Variants in RARB observed in about 807,000 individuals in gnomAD.
RARB encodes the protein retinoic acid receptor beta.
RARB carries 17 observed loss-of-function variants against 51.9 expected under a neutral mutation model. The ratio of observed to expected loss-of-function variants is 0.33; its 90% CI spans 0.22 to 0.49. The LOEUF (loss-of-function observed/expected upper bound fraction) is 0.49, where lower values mean the gene tolerates loss of function less well. RARB is among the 20% of genes least tolerant of loss of function. RARB has a pLI of 0.99. For missense variants in RARB, 369 were observed against 550.8 expected (o/e 0.67, Z 3.30); for synonymous variants, 215 against 195.4 (o/e 1.10, Z -0.84).
At chr3:24,992,143 T>C (rs1360844541) in intron 2 of RARB, among the ~76,000 whole-genome samples, 4 of 152,184 alleles carry the variant, frequency 2.6e-5, no homozygotes, top group Admixed American at 2.6e-4. Flanking sequence ...ATGCCTACTT[T>C]GCTCTGTCAC....
chr3:25,226,891 T>A (rs937036357), intron 5 of RARB, among the ~76,000 whole-genome samples: 3 of 152,220 alleles, frequency 2.0e-5, no homozygotes, highest in Admixed American at 6.5e-5. Flanking sequence ...CTCTGTGGTT[T>A]CTCTCACAAT....
intron 3 of RARB, among the ~76,000 whole-genome samples, chr3:25,088,586 A>C (rs897575654): frequency 6.6e-6 from 1 of 152,140 alleles, no homozygotes; most frequent in Non-Finnish European, 1.5e-5. Context: ...GAGGCCATTA[A>C]TCATGGTGAG....
intron 4 of RARB, among the ~76,000 whole-genome samples, chr3:25,166,054 C>G (rs1418161689): frequency 1.3e-5 from 2 of 151,794 alleles, no homozygotes; most frequent in Non-Finnish European, 2.9e-5. Flanking sequence ...TAGATTTCAT[C>G]CTCCCTCACT....
intron 3 of RARB, among the ~76,000 whole-genome samples, chr3:25,525,358 T>C (rs1290300119): frequency 6.6e-6 from 1 of 151,916 alleles, no homozygotes; most frequent in Non-Finnish European, 1.5e-5. Context: ...AGAGTGGAGA[T>C]AGGATGAAGG....
At chr3:25,539,222 C>T (rs1392989958) in intron 3 of RARB, among the ~76,000 whole-genome samples, 1 of 152,166 alleles carries the variant, frequency 6.6e-6, no homozygotes. Flanking sequence ...GGCAATGATC[C>T]TCTGGCAGAC....
intron 2 of RARB, among the ~76,000 whole-genome samples, chr3:25,489,912 T>G (rs750592734): frequency 2.0e-5 from 3 of 152,248 alleles, no homozygotes; most frequent in Non-Finnish European, 4.4e-5. Context: ...CTTAGCATTA[T>G]CAGGCGTCAG....
intron 1 of RARB, among the ~76,000 whole-genome samples, chr3:24,838,483 A>G (rs1367075393): frequency 6.6e-6 from 1 of 152,162 alleles, no homozygotes; most frequent in Non-Finnish European, 1.5e-5. Flanking sequence ...AGACCAGAAA[A>G]CCTAAAAACT....
intron 4 of RARB, among the ~76,000 whole-genome samples, chr3:25,170,322 T>A (rs1363138724): frequency 2.0e-5 from 3 of 152,164 alleles, no homozygotes; most frequent in Non-Finnish European, 4.4e-5. Flanking sequence ...ACAGAAGAAA[T>A]TTGCCAACCT....
rs141226954 is a variant in RARB, at chr3:25,163,909, T to C, written c.-279-10210T>C. On this transcript the variant is annotated intron_variant, in intron 4 of 11. Transcript: ENST00000383772. ...GGAGAAGACCTGAGTATGGTAACTTTCCTGGCCATAGGTCTTGTTCTCAAA... is the reference window on the plus strand; with the variant it reads ...GGAGAAGACCTGAGTATGGTAACTTCCCTGGCCATAGGTCTTGTTCTCAAA... Among the ~76,000 whole-genome samples, 166 of 152,312 alleles carry C rather than the reference T, an allele frequency of 1.1e-3. 1 individual carries two copies. The highest frequency in any genetic ancestry group is 8.4e-3 in the Admixed American group (129 of 15,302).
At chr3:25,187,739 CTTG>C (rs1482513747) in intron 5 of RARB, among the ~76,000 whole-genome samples, 1 of 151,960 alleles carries the variant, frequency 6.6e-6, no homozygotes, top group Non-Finnish European at 1.5e-5. Flanking sequence ...CAGATACAGC[CTTG>C]TTGTGGAGAA....
In RARB at chr3:25,164,891, T is replaced by C. The variant is rs79938267; in HGVS notation, c.-279-9228T>C. ...CTGTCTTGCTCTTTTCAGCACTGTGTCATTCATGAATGAACACTTCCTAAT... is the reference window on the plus strand; with the variant it reads ...CTGTCTTGCTCTTTTCAGCACTGTGCCATTCATGAATGAACACTTCCTAAT... On this transcript the variant is annotated intron_variant, in intron 4 of 11. Transcript: ENST00000383772. 2.2e-3 allele frequency among the ~76,000 whole-genome samples: 329 copies of C among 152,296 alleles called. 2 individuals carry two copies. Among genetic ancestry groups the C allele is most frequent in the East Asian group, 0.02 (106 of 5,174 alleles).
intron 2 of RARB, among the ~76,000 whole-genome samples, chr3:25,485,043 A>C (rs1696395153): frequency 6.6e-6 from 1 of 152,250 alleles, no homozygotes; most frequent in Non-Finnish European, 1.5e-5. Context: ...CACACACGAT[A>C]CACTCAAAAC....
At chr3:24,939,385 A>G (rs991699196) in intron 2 of RARB, among the ~76,000 whole-genome samples, 13 of 152,314 alleles carry the variant, frequency 8.5e-5, no homozygotes, top group African/African-American at 2.6e-4. Context: ...TTTTTGAGGA[A>G]CTGTCAAATT....
intron 2 of RARB, among the ~76,000 whole-genome samples, chr3:25,469,274 T>G (rs1695583731): frequency 6.6e-6 from 1 of 152,222 alleles, no homozygotes; most frequent in Non-Finnish European, 1.5e-5. Flanking sequence ...ATTAAATACT[T>G]TAAATGAGCT....
intron 3 of RARB, among the ~76,000 whole-genome samples, chr3:25,550,718 T>C (rs1444066787): frequency 6.6e-6 from 1 of 152,212 alleles, no homozygotes; most frequent in African/African-American, 2.4e-5. Flanking sequence ...ATGCATTAGC[T>C]ATTTATCCCG....
At chr3:25,172,879 A>G (rs1299668235) in intron 4 of RARB, among the ~76,000 whole-genome samples, 1 of 152,144 alleles carries the variant, frequency 6.6e-6, no homozygotes, top group Non-Finnish European at 1.5e-5. Context: ...AGTAAATTCT[A>G]TTATTCTTAT....
chr3:25,442,520 T>C (rs1421815647), intron 1 of RARB, among the ~76,000 whole-genome samples: 1 of 152,354 alleles, frequency 6.6e-6, no homozygotes, highest in East Asian at 1.9e-4. Flanking sequence ...TCTACATACT[T>C]CAGCTATTAT....
intron 2 of RARB, among the ~76,000 whole-genome samples, chr3:25,482,582 C>T (rs1274966201): frequency 8.5e-6 from 1 of 117,242 alleles, no homozygotes; most frequent in Non-Finnish European, 1.6e-5. Context: ...CTCTGTCTCC[C>T]AGGCCGGAGT....
chr3:25,178,938 G>C (rs1206899164), intron 5 of RARB, among the ~76,000 whole-genome samples: 1 of 152,228 alleles, frequency 6.6e-6, no homozygotes, highest in East Asian at 1.9e-4. Context: ...GCTTTTTATA[G>C]GTTGTTGCAA....
Sources: gnomAD v4.1 joint callset for allele counts (sites outside exome capture counted in the v4.1 genomes callset) on GRCh38, gnomAD v4.1.1 for gene constraint, MANE v1.5 for transcripts, NCBI Gene and HGNC (gene_info 2026-07-23, HGNC 2026-07-21) for gene names.